The following PELI2 variants were observed in gnomAD, a reference collection of about 807,000 sequenced individuals.
PELI2 encodes E3 ubiquitin-protein ligase pellino homolog 2.
A neutral mutation model predicts 42.3 loss-of-function variants in PELI2; 23 were observed. The ratio of observed to expected loss-of-function variants is 0.54; its 90% CI spans 0.39 to 0.77. PELI2 has a LOEUF of 0.77. Ranked by LOEUF, PELI2 falls within the 30% of genes least tolerant of loss-of-function variation. The pLI is 0.00. For synonymous variants in PELI2, 245 were observed against 212.2 expected (o/e 1.15, Z -1.34); for missense variants, 463 against 553.2 (o/e 0.84, Z 1.64).
chr14:56,210,504 G>T (rs11626962), intron 2 of PELI2, among the ~76,000 whole-genome samples: 1 of 151,770 alleles, frequency 6.6e-6, no homozygotes, highest in Non-Finnish European at 1.5e-5. Flanking sequence ...TCCTAGAGAC[G>T]AATAGGGAGG....
intron 1 of PELI2, among the ~76,000 whole-genome samples, chr14:56,167,488 C>G (rs1306017861): frequency 6.6e-6 from 1 of 152,192 alleles, no homozygotes; most frequent in Non-Finnish European, 1.5e-5. Context: ...ACCAATTGCA[C>G]TTTTTCAGCT....
At chr14:56,235,009 C>G (rs1463581237) in intron 2 of PELI2, among the ~76,000 whole-genome samples, 1 of 152,240 alleles carries the variant, frequency 6.6e-6, no homozygotes, top group African/African-American at 2.4e-5. Flanking sequence ...ACTTCACTTT[C>G]TTTTCTGAGG....
At chr14:56,194,759 T>G (rs2099525133) in intron 2 of PELI2, among the ~76,000 whole-genome samples, 1 of 152,168 alleles carries the variant, frequency 6.6e-6, no homozygotes, top group African/African-American at 2.4e-5. Context: ...GCACATGAAG[T>G]CTTTCACAGA....
rs144162052 is a variant in PELI2, at chr14:56,269,294, T to G, written c.208-10382T>G. Among the ~76,000 whole-genome samples, 657 of 151,948 alleles carry G rather than the reference T, an allele frequency of 4.3e-3. 6 individuals carry two copies. Among genetic ancestry groups the G allele is most frequent in the African/African-American group, 0.015 (602 of 41,428 alleles). On this transcript the variant is annotated intron_variant, in intron 2 of 5. Transcript: ENST00000267460. ...CATCTCTACAAAAAAATACAAAAAA[T>G]TAGCTGGGTGTGGTGGTGTGCGCCT...
chr14:56,269,421 T>C (rs1459269049), intron 2 of PELI2, among the ~76,000 whole-genome samples: 1 of 151,022 alleles, frequency 6.6e-6, no homozygotes, highest in African/African-American at 2.5e-5. Flanking sequence ...CCAGCCAAGG[T>C]GACAGAGTGA....
rs898403643 is a variant in PELI2, at chr14:56,180,699, C to G, written c.207+2235C>G. The stretch of plus-strand genomic sequence containing the variant: ...GGCCACTCCTGCTGCTTGGTTTGCT[C>G]TGTTGGCACCTTCTACCTTGGCGCC... On this transcript the variant is annotated intron_variant, in intron 2 of 5. Transcript: ENST00000267460. The surrounding 1 kb of genome is among the most constrained non-coding windows in gnomAD (Gnocchi z 4.4). Among the ~76,000 whole-genome samples the G allele has an allele frequency of 6.6e-6, 1 of 151,736 alleles. No individual in the cohort carries two copies. The highest frequency in any genetic ancestry group is 2.4e-5 in the African/African-American group (1 of 41,336).
rs1885457309 is a variant in PELI2 at position 56,178,357 on chromosome 14, G to A, written c.100G>A (p.Gly34Arg). Residue 34 changes from glycine (G) to arginine (R), a missense_variant, in exon 2 of 6, where the codon GGA becomes AGA. By Grantham distance (125) the Gly-to-Arg change is moderately radical. Coordinates refer to ENST00000267460, the MANE Select transcript of PELI2 (RefSeq NM_021255.3). ...VLGYNGALPNGDRGRRKSRFA... is the reference protein window; with the variant it reads ...VLGYNGALPNRDRGRRKSRFA... ...TAGGTACAATGGTGCTTTACCCAATGGAGATAGAGGACGGAGGAAAAGTAG... is the reference window on the plus strand; with the variant it reads ...TAGGTACAATGGTGCTTTACCCAATAGAGATAGAGGACGGAGGAAAAGTAG... 6.2e-7 allele frequency: 1 copy of A among 1,614,070 alleles called. No homozygotes were observed. Among genetic ancestry groups the A allele is most frequent in the Non-Finnish European group, 8.5e-7 (1 of 1,179,926 alleles).
At chr14:56,216,280 T>C (rs889273160) in intron 2 of PELI2, among the ~76,000 whole-genome samples, 17 of 152,238 alleles carry the variant, frequency 1.1e-4, no homozygotes, top group Admixed American at 1.0e-3. Context: ...TGTAGTGTTA[T>C]TTGTTAAGGT....
rs1393043964 is a variant in PELI2, at chr14:56,296,990, A to T, written c.1087A>T (p.Thr363Ser). 2 of 1,614,024 alleles carry T rather than the reference A, an allele frequency of 1.2e-6. No individual in the cohort carries two copies. The highest frequency in any genetic ancestry group is 2.2e-5 in the East Asian group (1 of 44,876). Residue 363 changes from threonine to serine, a missense_variant, in exon 6 of 6, where the codon ACT (threonine) becomes TCT (serine). Physicochemically the swap from Thr to Ser is moderately conservative, Grantham distance 58. Coordinates refer to ENST00000267460, the MANE Select transcript of PELI2 (RefSeq NM_021255.3). Reference protein sequence around the residue: ...AGFYVDAGPPTHAFTPCGHVC... With the variant: ...AGFYVDAGPPSHAFTPCGHVC... ...ATTTTATGTAGACGCAGGACCGCCAACTCATGCTTTCACTCCCTGTGGACA... is the reference window on the plus strand; with the variant it reads ...ATTTTATGTAGACGCAGGACCGCCATCTCATGCTTTCACTCCCTGTGGACA...
At chr14:56,281,600 C>G (rs917084923) in intron 3 of PELI2, among the ~76,000 whole-genome samples, 9 of 152,086 alleles carry the variant, frequency 5.9e-5, no homozygotes, top group Non-Finnish European at 7.4e-5. Context: ...TGAACTTCAG[C>G]ACCTCAGACT....
intron 2 of PELI2, among the ~76,000 whole-genome samples, chr14:56,196,219 A>G (rs1327165379): frequency 6.6e-6 from 1 of 152,066 alleles, no homozygotes; most frequent in East Asian, 1.9e-4. Flanking sequence ...TAAAATAACG[A>G]TGTCTGTTTC....
intron 5 of PELI2, among the ~76,000 whole-genome samples, chr14:56,291,988 A>G (rs1165326538): frequency 6.6e-6 from 1 of 152,252 alleles, no homozygotes; most frequent in Non-Finnish European, 1.5e-5. Context: ...CTGGGTGAGT[A>G]TAAAGCATAC....
At chr14:56,280,204 T>A (rs376200330) in intron 3 of PELI2, among the ~76,000 whole-genome samples, 3 of 152,086 alleles carry the variant, frequency 2.0e-5, no homozygotes, top group Non-Finnish European at 4.4e-5. Flanking sequence ...GAAAATGCCT[T>A]ACGTGCTTTC....
At chr14:56,120,385 C>T (rs970026802) in intron 1 of PELI2, among the ~76,000 whole-genome samples, 2 of 152,132 alleles carry the variant, frequency 1.3e-5, no homozygotes, top group African/African-American at 4.8e-5. Flanking sequence ...AGAAAAGCAG[C>T]GAGTGGGCCT....
chr14:56,263,409 G>C (rs1888792754), intron 2 of PELI2, among the ~76,000 whole-genome samples: 2 of 152,180 alleles, frequency 1.3e-5, no homozygotes, highest in African/African-American at 2.4e-5. Context: ...CCAAAAAAAA[G>C]AGGTGAATGC....
chr14:56,288,556 C>T lies in PELI2; in HGVS notation c.429C>T (p.Ile143=), dbSNP rs368097050. The change falls in exon 4 of 6, where the codon ATC becomes ATT. Residue 143 remains isoleucine, a synonymous_variant. Transcript: ENST00000267460. The surrounding 1 kb of genome is among the most constrained non-coding windows in gnomAD (Gnocchi z 4.6). The part of the protein sequence containing the change: ...QSTISRFACR[I]VCDRNEPYTA... The stretch of plus-strand genomic sequence containing the variant: ...CCATATCCAGGTTCGCCTGCAGGAT[C>T]GTGTGCGACAGGAATGAACCTTACA... 24 of 1,614,008 alleles carry T rather than the reference C, an allele frequency of 1.5e-5. No individual in the cohort carries two copies. The highest frequency in any genetic ancestry group is 4.4e-5 in the South Asian group (4 of 91,080).
chr14:56,292,001 T>C (rs1889845686), intron 5 of PELI2, among the ~76,000 whole-genome samples: 1 of 152,194 alleles, frequency 6.6e-6, no homozygotes, highest in African/African-American at 2.4e-5. Context: ...AAGCATACGC[T>C]GGAGTCCGTG....
chr14:56,151,461 T>C (rs2139621983), intron 1 of PELI2, among the ~76,000 whole-genome samples: 1 of 152,342 alleles, frequency 6.6e-6, no homozygotes, highest in African/African-American at 2.4e-5. Flanking sequence ...GTTGCAGATT[T>C]CTCAAGGGGC....
At chr14:56,178,746 G>C (rs1885476202) in intron 2 of PELI2, among the ~76,000 whole-genome samples, 1 of 152,190 alleles carries the variant, frequency 6.6e-6, no homozygotes. Flanking sequence ...CCGTCTCCTG[G>C]GGAGGGCTGG....
Sources: allele counts gnomAD v4.1 joint callset (sites outside exome capture counted in the v4.1 genomes callset), GRCh38; gene constraint gnomAD v4.1.1; non-coding constraint Gnocchi (gnomAD v3.1); transcripts MANE v1.5; gene names NCBI Gene and HGNC (gene_info 2026-07-23, HGNC 2026-07-21).